PLPP4: variants seen among roughly 807,000 people sequenced by gnomAD.
PLPP4 encodes the protein diacylglycerol pyrophosphate like 2.
Under a neutral mutation model 32.2 loss-of-function variants are expected in PLPP4, and 20 were observed. The observed-to-expected ratio is 0.62, with a 90% CI of 0.44 to 0.90. PLPP4 has a LOEUF of 0.90. PLPP4 is among the 40% of genes least tolerant of loss of function. PLPP4 has a pLI of 0.00. For synonymous variants in PLPP4, 127 were observed against 133.0 expected, an observed-to-expected ratio of 0.95 and a Z score of 0.31; for missense variants, 257 against 353.1, an observed-to-expected ratio of 0.73 and a Z score of 2.18.
chr10:120,476,098 G>A (rs2081672551), intron 1 of PLPP4, among the ~76,000 whole-genome samples: 2 of 152,210 alleles, frequency 1.3e-5, no homozygotes, highest in South Asian at 4.1e-4. Context: ...GGGCCTTGGA[G>A]ATCTGGGCTG....
rs1186891270 is a variant in PLPP4, at chr10:120,468,697, T to G, written c.56+11336T>G. Among the ~76,000 whole-genome samples the G allele has an allele frequency of 6.1e-5, 4 of 65,528 alleles. 2 individuals are homozygous for G. In the East Asian group the frequency reaches 5.3e-3, roughly 87 times the overall value. 43.0% of individuals were successfully genotyped at this position (65,528 alleles called of 152,430 possible). Reference sequence around the variant, plus strand: ...GATAGGGCACTGAATGATTTTTTTGTGTTTGCTTTAGAAATATTTAAAGTG... The same window carrying G: ...GATAGGGCACTGAATGATTTTTTTGGGTTTGCTTTAGAAATATTTAAAGTG... On this transcript the variant is annotated intron_variant, in intron 1 of 6. Coordinates refer to ENST00000398250, the MANE Select transcript of PLPP4 (RefSeq NM_001030059.3).
intron 5 of PLPP4, among the ~76,000 whole-genome samples, chr10:120,533,576 C>T (rs1846847498): frequency 6.6e-6 from 1 of 152,080 alleles, no homozygotes; most frequent in African/African-American, 2.4e-5. Flanking sequence ...GTCATAATAT[C>T]TAAGAAACAA....
intron 1 of PLPP4, among the ~76,000 whole-genome samples, chr10:120,488,285 G>A (rs1380412320): frequency 2.0e-5 from 3 of 152,174 alleles, no homozygotes; most frequent in South Asian, 2.1e-4. Context: ...CCATGTGGGT[G>A]GAATGTCAAT....
In PLPP4 at chr10:120,580,328, T is replaced by G. The variant is rs571478613; in HGVS notation, c.616+5027T>G. 1.1e-4 allele frequency among the ~76,000 whole-genome samples: 16 copies of G among 152,266 alleles called. No individual in the cohort carries two copies. In the East Asian group the frequency reaches 2.9e-3, roughly 28 times the overall value. On this transcript the variant is annotated intron_variant, in intron 6 of 6. Coordinates refer to ENST00000398250, the MANE Select transcript of PLPP4 (RefSeq NM_001030059.3). Reference sequence around the variant, plus strand: ...TGGGAACCAGAGTGCTGCCTTCCTTTTATGGCTTCTTCCAATTGTTGTCAT... The same window carrying G: ...TGGGAACCAGAGTGCTGCCTTCCTTGTATGGCTTCTTCCAATTGTTGTCAT...
chr10:120,537,050 C>T (rs1049963449), intron 5 of PLPP4, among the ~76,000 whole-genome samples: 7 of 152,124 alleles, frequency 4.6e-5, no homozygotes, highest in East Asian at 1.9e-4. Context: ...TAAATGTTGG[C>T]GAAGTTGTGG....
chr10:120,493,186 T>C (rs901342604), intron 1 of PLPP4, among the ~76,000 whole-genome samples: 1 of 152,252 alleles, frequency 6.6e-6, no homozygotes, highest in Non-Finnish European at 1.5e-5. Context: ...ATATGTTTCA[T>C]TTTTGATTGT....
chr10:120,577,723 A>T (rs899679759), intron 6 of PLPP4, among the ~76,000 whole-genome samples: 1 of 152,220 alleles, frequency 6.6e-6, no homozygotes, highest in African/African-American at 2.4e-5. Context: ...CTCTTGGTAC[A>T]GGTTATTGAT....
chr10:120,585,334 G>C (rs1479637998), intron 6 of PLPP4, among the ~76,000 whole-genome samples: 9 of 152,136 alleles, frequency 5.9e-5, no homozygotes, highest in African/African-American at 2.2e-4. Context: ...ACAATTTCTT[G>C]GGTGACAAAC....
At chr10:120,485,683 GA>G (rs1844414770) in intron 1 of PLPP4, among the ~76,000 whole-genome samples, 1 of 152,064 alleles carries the variant, frequency 6.6e-6, no homozygotes, top group Non-Finnish European at 1.5e-5. Flanking sequence ...ATTCATTAGG[GA>G]AATAAATGAG....
chr10:120,464,541 C>T (rs1848226815), intron 1 of PLPP4, among the ~76,000 whole-genome samples: 1 of 152,152 alleles, frequency 6.6e-6, no homozygotes, highest in East Asian at 1.9e-4. Flanking sequence ...ATGAGTTTGT[C>T]CGATGAGTCG....
Position 120,574,129 on chromosome 10 carries a change from T to TACACACAC in PLPP4, c.446-969_446-962dup, listed in dbSNP as rs751622346. On this transcript the variant is annotated intron_variant, in intron 5 of 6. Coordinates refer to ENST00000398250, the MANE Select transcript of PLPP4 (RefSeq NM_001030059.3). ...GCCACCATTAGAATCATCTGGGGAG[T>TACACACAC]ACACACACACACACACACACACACA... Among the ~76,000 whole-genome samples the TACACACAC allele has an allele frequency of 4.2e-3, 239 of 56,970 alleles. 2 individuals carry two copies. Among genetic ancestry groups the TACACACAC allele is most frequent in the Admixed American group, 5.6e-3 (24 of 4,272 alleles). The allele number at this position is 56,970 out of a possible 152,430, so 37.4% of individuals were successfully genotyped here. A position where few individuals can be genotyped will look rare whatever the true frequency, so the allele number is the denominator to read the frequency against.
chr10:120,527,537 TTGAC>T (rs776069202), intron 5 of PLPP4, among the ~76,000 whole-genome samples: 56 of 152,340 alleles, frequency 3.7e-4, no homozygotes, highest in Admixed American at 7.2e-4. Context: ...TGGTGTGTGT[TTGAC>T]TGAACAACTG....
At chr10:120,573,427 C>T (rs1849035315) in intron 5 of PLPP4, among the ~76,000 whole-genome samples, 1 of 152,122 alleles carries the variant, frequency 6.6e-6, no homozygotes, top group African/African-American at 2.4e-5. Context: ...TTTGGAAAAG[C>T]TGCAGGTTGT....
In PLPP4 at chr10:120,590,544, A is replaced by G. The variant is rs1395191085; in HGVS notation, c.*1042A>G. Reference sequence around the variant, plus strand: ...TAGAAGGTACAAGAACAGAATCAGGAATGTGCTGTGTCTCTCGCTCAGCTC... The same window carrying G: ...TAGAAGGTACAAGAACAGAATCAGGGATGTGCTGTGTCTCTCGCTCAGCTC... On this transcript the variant is annotated 3_prime_UTR_variant, in exon 7 of 7. Coordinates refer to ENST00000398250, the MANE Select transcript of PLPP4 (RefSeq NM_001030059.3). 6.6e-6 allele frequency among the ~76,000 whole-genome samples: 1 copy of G among 152,182 alleles called. No homozygotes were observed. Among genetic ancestry groups the G allele is most frequent in the Admixed American group, 6.5e-5 (1 of 15,278 alleles).
chr10:120,591,500 C>A lies in PLPP4; in HGVS notation c.*1998C>A, dbSNP rs980669685. ...AAAAGACATAATTTTAAATTCTGAG[C>A]TAAAATTCATTTAAAATTAGAAAAT... On this transcript the variant is annotated 3_prime_UTR_variant, in exon 7 of 7. Transcript: ENST00000398250. 6.6e-6 allele frequency among the ~76,000 whole-genome samples: 1 copy of A among 152,054 alleles called. No individual in the cohort carries two copies. Among genetic ancestry groups the A allele is most frequent in the Non-Finnish European group, 1.5e-5 (1 of 67,996 alleles).
chr10:120,575,378 C>G (rs1047938560), intron 6 of PLPP4, 77 bp downstream of exon 6: 2 of 1,464,726 alleles, frequency 1.4e-6, no homozygotes, highest in Admixed American at 3.8e-5. Context: ...AGAAATGCAC[C>G]AATTGTGGGG....
At chr10:120,533,194 T>C (rs551266186) in intron 5 of PLPP4, among the ~76,000 whole-genome samples, 43 of 152,320 alleles carry the variant, frequency 2.8e-4, no homozygotes, top group Middle Eastern at 3.4e-3. Context: ...TCCATCTTTT[T>C]TATTATAGCC....
intron 1 of PLPP4, among the ~76,000 whole-genome samples, chr10:120,461,048 C>T (rs1445158669): frequency 6.6e-6 from 1 of 152,192 alleles, no homozygotes; most frequent in East Asian, 1.9e-4. Flanking sequence ...GACTCCTTAT[C>T]TCCAGAAGAG....
intron 6 of PLPP4, among the ~76,000 whole-genome samples, chr10:120,583,116 C>T (rs975574993): frequency 1.3e-5 from 2 of 151,906 alleles, no homozygotes; most frequent in Admixed American, 1.3e-4. Context: ...GAGCCCAAGG[C>T]ATACAAGGTC....
Sources: gnomAD v4.1 joint callset for allele counts (sites outside exome capture counted in the v4.1 genomes callset) on GRCh38, gnomAD v4.1.1 for gene constraint, MANE v1.5 for transcripts, NCBI Gene and HGNC (gene_info 2026-07-23, HGNC 2026-07-21) for gene names.